VWA3B: variants seen among roughly 807,000 people sequenced by gnomAD.
The protein encoded by VWA3B is von Willebrand factor A domain containing 3B.
VWA3B carries 138 observed loss-of-function variants against 158.3 expected under a neutral mutation model. That is an observed-to-expected ratio of 0.87 (90% CI 0.76 to 1.00). VWA3B has a LOEUF of 1.00. VWA3B is among the 50% of genes least tolerant of loss of function. The pLI is 0.00. For synonymous variants in VWA3B, 596 were observed against 587.3 expected (o/e 1.01, Z -0.21); for missense variants, 1,555 against 1,565.1 (o/e 0.99, Z 0.11).
chr2:98,244,848 T>C (rs911609103), intron 19 of VWA3B, among the ~76,000 whole-genome samples: 1 of 152,180 alleles, frequency 6.6e-6, no homozygotes. Flanking sequence ...ATAATCACTA[T>C]TGAGTACAGT....
At chr2:98,267,396 C>T (rs34128855) in intron 21 of VWA3B, among the ~76,000 whole-genome samples, 5,995 of 152,058 alleles carry the variant, frequency 0.039, 173 homozygotes, top group Middle Eastern at 0.075. Flanking sequence ...CACTCAAAAC[C>T]GCTCAACTAC....
intron 22 of VWA3B, among the ~76,000 whole-genome samples, chr2:98,280,796 A>G (rs1423483664): frequency 6.6e-6 from 1 of 152,158 alleles, no homozygotes; most frequent in East Asian, 1.9e-4. Context: ...AGTGCCTAAG[A>G]CTACTGGAAA....
chr2:98,197,736 T>G (rs1161257966), intron 12 of VWA3B, among the ~76,000 whole-genome samples: 3 of 152,170 alleles, frequency 2.0e-5, no homozygotes, highest in Non-Finnish European at 2.9e-5. Context: ...CCTCTAAATA[T>G]TTAAATATGC....
chr2:98,298,079 A>T, intron 24 of VWA3B, 48 bp downstream of exon 24: 1 of 1,393,264 alleles, frequency 7.2e-7, no homozygotes, highest in African/African-American at 1.5e-5. Context: ...CCATCCACAG[A>T]GTTTTGAATA....
At chr2:98,277,452 TC>T (rs1046464479) in intron 22 of VWA3B, among the ~76,000 whole-genome samples, 6 of 152,222 alleles carry the variant, frequency 3.9e-5, no homozygotes, top group African/African-American at 1.4e-4. Flanking sequence ...AAGATTGTTC[TC>T]CAGGGCAAAT....
At chr2:98,142,814 C>A (rs1320877470) in intron 7 of VWA3B, among the ~76,000 whole-genome samples, 2 of 152,082 alleles carry the variant, frequency 1.3e-5, no homozygotes, top group East Asian at 3.9e-4. Context: ...CTGGCAGTCT[C>A]TTGAGTGAGG....
At chr2:98,182,201 T>C (rs1464639745) in intron 9 of VWA3B, among the ~76,000 whole-genome samples, 1 of 152,132 alleles carries the variant, frequency 6.6e-6, no homozygotes, top group Non-Finnish European at 1.5e-5. Context: ...TCAAATGCAG[T>C]GTCACCTCAT....
the VWA3B span, among the ~76,000 whole-genome samples, chr2:98,323,639 TAGTC>T: frequency 6.6e-6 from 1 of 152,146 alleles, no homozygotes; most frequent in African/African-American, 2.4e-5. Context: ...ACACACATCA[TAGTC>T]AGACTGCTAA....
the VWA3B span, among the ~76,000 whole-genome samples, chr2:98,319,763 C>T: frequency 1.3e-5 from 2 of 151,828 alleles, no homozygotes; most frequent in African/African-American, 4.8e-5. Context: ...GCCTGTAATC[C>T]TAGCTACTTG....
At chr2:98,250,239 C>T in intron 19 of VWA3B, 79 bp from the exon 20 acceptor site, 1 of 972,586 alleles carries the variant, frequency 1.0e-6, no homozygotes, top group Non-Finnish European at 1.5e-6. Flanking sequence ...ACATGTTATA[C>T]AACTATGTAG....
At chr2:98,232,719 T>A (rs545940538) in intron 16 of VWA3B, among the ~76,000 whole-genome samples, 53 of 152,326 alleles carry the variant, frequency 3.5e-4, no homozygotes, top group Non-Finnish European at 5.3e-4. Context: ...TTGTGGGCTG[T>A]GGTTCTGATG....
chr2:98,230,184 A>C lies in VWA3B; in HGVS notation c.2285A>C (p.Gln762Pro), dbSNP rs774502112. The change falls in exon 16 of 28, where the codon CAG (glutamine) becomes CCG (proline). Residue 762 changes from glutamine (Q) to proline (P), a missense_variant. Coordinates refer to ENST00000477737, the MANE Select transcript of VWA3B (RefSeq NM_144992.5). ...GPWGLSDQKV[Q>P]KKKVLHAEST... Reference sequence around the variant, plus strand: ...TGGGGCCTTTCAGATCAAAAGGTTCAGAAAAAGAAAGTCCTTCACGCAGGT... The same window carrying C: ...TGGGGCCTTTCAGATCAAAAGGTTCCGAAAAAGAAAGTCCTTCACGCAGGT... 3.2e-6 allele frequency: 5 copies of C among 1,583,068 alleles called. No individual in the cohort carries two copies. The highest frequency in any genetic ancestry group is 4.0e-5 in the Admixed American group (2 of 50,026).
chr2:98,302,272 G>A (rs1574314304), intron 25 of VWA3B, among the ~76,000 whole-genome samples: 1 of 152,210 alleles, frequency 6.6e-6, no homozygotes, highest in Middle Eastern at 3.4e-3. Context: ...CAGGCCCTCA[G>A]GTTCCTCCTG....
At chr2:98,126,173 A>C (rs1189324890) in intron 5 of VWA3B, among the ~76,000 whole-genome samples, 2 of 152,242 alleles carry the variant, frequency 1.3e-5, no homozygotes, top group South Asian at 4.1e-4. Context: ...ACCTTAGTAA[A>C]GGAAAATAAA....
At chr2:98,184,120 T>C (rs1311163771) in intron 9 of VWA3B, among the ~76,000 whole-genome samples, 1 of 152,252 alleles carries the variant, frequency 6.6e-6, no homozygotes, top group African/African-American at 2.4e-5. Context: ...TCCACTGGGC[T>C]TTCACACTGT....
chr2:98,181,765 C>G (rs139711345), intron 9 of VWA3B, among the ~76,000 whole-genome samples: 93 of 152,300 alleles, frequency 6.1e-4, no homozygotes, highest in Admixed American at 1.6e-3. Flanking sequence ...GACTCTGGCT[C>G]CCAATGAAGG....
At chr2:98,206,895 G>T in intron 12 of VWA3B, 1 of 420,050 alleles carries the variant, frequency 2.4e-6, no homozygotes, top group South Asian at 1.8e-5. Context: ...ATTATGAAAT[G>T]ACTGAGTCTG....
intron 2 of VWA3B, among the ~76,000 whole-genome samples, chr2:98,108,158 G>A (rs1459618942): frequency 1.3e-5 from 2 of 151,924 alleles, no homozygotes; most frequent in African/African-American, 4.8e-5. Context: ...CTAAATATTT[G>A]TAGATTTTCC....
At chr2:98,140,045 A>T (rs1209811131) in intron 7 of VWA3B, among the ~76,000 whole-genome samples, 1 of 152,096 alleles carries the variant, frequency 6.6e-6, no homozygotes, top group African/African-American at 2.4e-5. Flanking sequence ...AAGAGCTGTA[A>T]CACTCACCGT....
Sources: allele counts gnomAD v4.1 joint callset (sites outside exome capture counted in the v4.1 genomes callset), GRCh38; gene constraint gnomAD v4.1.1; transcripts MANE v1.5; gene names NCBI Gene and HGNC (gene_info 2026-07-23, HGNC 2026-07-21).